The following PRH1 variants were observed in gnomAD, a reference collection of about 807,000 sequenced individuals.
PRH1 encodes the protein salivary acidic proline-rich phosphoprotein 1/2.
In PRH1, 7 loss-of-function variants were observed where a neutral mutation model predicts 7.9. That is an observed-to-expected ratio of 0.89 (90% CI 0.50 to 1.67). The LOEUF (loss-of-function observed/expected upper bound fraction) is 1.67, where lower values mean the gene tolerates loss of function less well. Among genes scored for constraint, PRH1 ranks in the 40% most tolerant of loss-of-function variants. PRH1 has a pLI of 0.00. For synonymous variants in PRH1, 45 were observed against 80.8 expected, an observed-to-expected ratio of 0.56 and a Z score of 2.38; for missense variants, 109 against 223.6, an observed-to-expected ratio of 0.49 and a Z score of 3.27.
chr12:10,935,441 G>A (rs1248647280), intron 2 of PRH1, among the ~76,000 whole-genome samples: 1 of 151,962 alleles, frequency 6.6e-6, no homozygotes, highest in Admixed American at 6.6e-5. Flanking sequence ...CCATTTACAG[G>A]GCTTATGAAA....
rs184005735 is a variant in PRH1, at chr12:11,093,298, G to A, written n.124-46110C>T. ...TATCAAAGGCATCTCAGATTTTCTTGAGAACCACAGGCAGGCCAATCCTCC... is the reference window on the plus strand; with the variant it reads ...TATCAAAGGCATCTCAGATTTTCTTAAGAACCACAGGCAGGCCAATCCTCC... On this transcript the variant is annotated intron_variant and non_coding_transcript_variant, in intron 1 of 4. Transcript: ENST00000541977. Among the ~76,000 whole-genome samples, 620 of 116,004 alleles carry A rather than the reference G, an allele frequency of 5.3e-3. 154 individuals are homozygous for A. The highest frequency in any genetic ancestry group is 0.016 in the African/African-American group (561 of 34,614). The allele number at this position is 116,004 out of a possible 152,430, so 76.1% of individuals were successfully genotyped here.
At chr12:10,884,852 C>T (rs1161149494), upstream of PRH1, among the ~76,000 whole-genome samples, 2 of 152,180 alleles carry the variant, frequency 1.3e-5, no homozygotes, top group Non-Finnish European at 2.9e-5. Context: ...GCTCAGGCTA[C>T]AAGAATTGTC....
At chr12:10,889,019 A>C (rs926007256), upstream of PRH1, among the ~76,000 whole-genome samples, 1 of 152,218 alleles carries the variant, frequency 6.6e-6, no homozygotes, top group Admixed American at 6.5e-5. Context: ...CAATGCTAGC[A>C]ATGGCTGGTT....
intron 1 of PRH1, among the ~76,000 whole-genome samples, chr12:11,001,263 T>C (rs910425916): frequency 2.0e-5 from 3 of 152,060 alleles, no homozygotes; most frequent in African/African-American, 7.2e-5. Flanking sequence ...GCCATTCCAA[T>C]AAATAAATTA....
chr12:11,047,782 C>A (rs79881810), upstream of PRH1, among the ~76,000 whole-genome samples: 9 of 111,446 alleles, frequency 8.1e-5, no homozygotes, highest in African/African-American at 1.2e-4. Context: ...AGCTAACAAC[C>A]ATTCTATTTG....
intron 1 of PRH1, among the ~76,000 whole-genome samples, chr12:10,998,946 A>G (rs2136014092): frequency 6.6e-6 from 1 of 152,204 alleles, no homozygotes; most frequent in South Asian, 2.1e-4. Context: ...GAACATGTCC[A>G]CACTAACACA....
chr12:11,079,083 T>C (rs1262653238), intron 1 of PRH1: 1 of 145,958 alleles, frequency 6.9e-6, no homozygotes, highest in African/African-American at 2.5e-5. Context: ...GCTTAGGCCA[T>C]TGATAAATTT....
chr12:11,119,848 A>G (rs1296067176), downstream of PRH1, among the ~76,000 whole-genome samples: 1 of 152,238 alleles, frequency 6.6e-6, no homozygotes, highest in African/African-American at 2.4e-5. Context: ...AAGATGGAAT[A>G]CTGAAATGTG....
chr12:11,108,579 T>C (rs1300332952), intron 1 of PRH1, among the ~76,000 whole-genome samples: 1 of 152,098 alleles, frequency 6.6e-6, no homozygotes, highest in Non-Finnish European at 1.5e-5. Flanking sequence ...GGGAACTCCC[T>C]CTCCTAGCCA....
chr12:11,151,084 G>T (rs1226283315), intron 1 of PRH1, among the ~76,000 whole-genome samples: 1 of 152,124 alleles, frequency 6.6e-6, no homozygotes, highest in African/African-American at 2.4e-5. Context: ...GCTGCTCCAA[G>T]GAGATGAGTG....
rs769149607 is a variant in PRH1 at position 10,986,337 on chromosome 12, G to A, written c.-125-12616C>T. On this transcript the variant is annotated intron_variant, in intron 1 of 3. Coordinates refer to the PRH1 transcript ENST00000539853. Reference sequence around the variant, plus strand: ...CCATAGGGTAGTTACAGTCAAATATGAAAGATGTACTGTATTCCTCAATTT... The same window carrying A: ...CCATAGGGTAGTTACAGTCAAATATAAAAGATGTACTGTATTCCTCAATTT... 11 of 1,613,968 alleles carry A rather than the reference G, an allele frequency of 6.8e-6. No homozygotes were observed. The East Asian group carries it at 2.0e-4, about 29-fold the overall frequency.
intron 1 of PRH1, among the ~76,000 whole-genome samples, chr12:11,142,800 A>G (rs964307378): frequency 5.3e-5 from 8 of 152,236 alleles, no homozygotes; most frequent in Non-Finnish European, 8.8e-5. Context: ...GGCATGACAT[A>G]TTAGAAGTGC....
At chr12:10,893,865 T>C (rs1949609470) in intron 2 of PRH1, among the ~76,000 whole-genome samples, 1 of 152,174 alleles carries the variant, frequency 6.6e-6, no homozygotes, top group South Asian at 2.1e-4. Context: ...TTCCAATTAT[T>C]TCATTTTAAA....
chr12:11,009,320 A>T (rs1293503915), intron 1 of PRH1, among the ~76,000 whole-genome samples: 2 of 151,708 alleles, frequency 1.3e-5, no homozygotes, highest in Non-Finnish European at 2.9e-5. Context: ...ACCTCTAGCT[A>T]CTTTTCAGAT....
intron 1 of PRH1, among the ~76,000 whole-genome samples, chr12:11,076,060 T>A (rs552421249): frequency 8.9e-6 from 1 of 112,160 alleles, no homozygotes; most frequent in East Asian, 2.1e-4. Context: ...GTGGATCTGA[T>A]ACATATATAT....
intron 2 of PRH1, chr12:10,930,251 C>T: frequency 2.5e-6 from 4 of 1,612,376 alleles, no homozygotes; most frequent in Non-Finnish European, 3.4e-6. Context: ...TTCCCATCAT[C>T]CTGTACTTCT....
chr12:11,157,310 T>C (rs1336480131), intron 1 of PRH1, among the ~76,000 whole-genome samples: 3 of 152,184 alleles, frequency 2.0e-5, no homozygotes, highest in African/African-American at 4.8e-5. Context: ...AAATAAAAGA[T>C]AATACATCAA....
In PRH1 at chr12:10,909,357, T is replaced by C. The variant is rs141818191; in HGVS notation, c.-58-25082A>G. 5.1e-4 allele frequency: 629 copies of C among 1,237,286 alleles called. 3 individuals carry two copies. The African/African-American group carries it at 7.6e-3, about 15-fold the overall frequency. 76.6% of individuals were successfully genotyped at this position (1,237,286 alleles called of 1,614,324 possible). A position where few individuals can be genotyped will look rare whatever the true frequency, so the allele number is the denominator to read the frequency against. On this transcript the variant is annotated intron_variant, in intron 2 of 3. Coordinates refer to the PRH1 transcript ENST00000539853. ...CTGCTGGTTATTCACTGATCTAAAA[T>C]GCTATTCACATCCTTGAGTGTCCAG...
intron 2 of PRH1, among the ~76,000 whole-genome samples, chr12:10,892,262 C>T (rs1949584746): frequency 6.6e-6 from 1 of 152,204 alleles, no homozygotes. Flanking sequence ...TTTTTCCCAA[C>T]ATCCATTCCC....
Sources: allele counts gnomAD v4.1 joint callset (sites outside exome capture counted in the v4.1 genomes callset), GRCh38; gene constraint gnomAD v4.1.1; transcripts MANE v1.5; gene names NCBI Gene and HGNC (gene_info 2026-07-23, HGNC 2026-07-21).